CAMK1D: variants seen among roughly 807,000 people sequenced by gnomAD.
The protein encoded by CAMK1D is calcium/calmodulin dependent protein kinase ID.
A neutral mutation model predicts 47.7 loss-of-function variants in CAMK1D; 9 were observed. That is an observed-to-expected ratio of 0.19 (90% confidence interval 0.11 to 0.33). CAMK1D has a LOEUF of 0.33. Ranked by LOEUF, CAMK1D falls within the 10% of genes least tolerant of loss-of-function variation. CAMK1D has a pLI of 1.00. For missense variants in CAMK1D, 291 were observed against 488.7 expected (o/e 0.60, Z 3.81); for synonymous variants, 184 against 184.9 (o/e 0.99, Z 0.04).
At chr10:12,437,458 G>C (rs982479215) in intron 1 of CAMK1D, among the ~76,000 whole-genome samples, 1 of 152,184 alleles carries the variant, frequency 6.6e-6, no homozygotes, top group African/African-American at 2.4e-5. Flanking sequence ...ACCTCCCAAA[G>C]TGCTGGGATT....
intron 1 of CAMK1D, among the ~76,000 whole-genome samples, chr10:12,492,556 G>C (rs765616324): frequency 6.6e-6 from 1 of 152,160 alleles, no homozygotes; most frequent in Non-Finnish European, 1.5e-5. Flanking sequence ...CTACTTGGGA[G>C]GTGGAGGTGG....
At chr10:12,464,723 G>A (rs1435724801) in intron 1 of CAMK1D, among the ~76,000 whole-genome samples, 1 of 151,918 alleles carries the variant, frequency 6.6e-6, no homozygotes, top group Non-Finnish European at 1.5e-5. Flanking sequence ...GCTGAGGCAG[G>A]AGAATGGCAT....
chr10:12,727,689 G>A (rs533500994), intron 3 of CAMK1D, among the ~76,000 whole-genome samples: 14 of 151,692 alleles, frequency 9.2e-5, no homozygotes, highest in African/African-American at 2.7e-4. Flanking sequence ...AGAATCTGGC[G>A]TATCACAATA....
chr10:12,428,408 TTTC>T (rs1439905135), intron 1 of CAMK1D, among the ~76,000 whole-genome samples: 1 of 152,150 alleles, frequency 6.6e-6, no homozygotes, highest in Non-Finnish European at 1.5e-5. Flanking sequence ...CTCACCAAAA[TTTC>T]TTTTCTTTCT....
chr10:12,477,399 A>G (rs984425193), intron 1 of CAMK1D, among the ~76,000 whole-genome samples: 2 of 152,166 alleles, frequency 1.3e-5, no homozygotes, highest in African/African-American at 4.8e-5. Context: ...TGGGTGACAG[A>G]GCAAGACTCT....
chr10:12,577,597 CA>C (rs1323733034), intron 2 of CAMK1D, among the ~76,000 whole-genome samples: 2 of 151,288 alleles, frequency 1.3e-5, no homozygotes, highest in Non-Finnish European at 3.0e-5. Context: ...TTTTTGTTTT[CA>C]AAAAGTCTCT....
At chr10:12,731,446 G>A (rs1834876965) in intron 3 of CAMK1D, among the ~76,000 whole-genome samples, 1 of 152,250 alleles carries the variant, frequency 6.6e-6, no homozygotes, top group Non-Finnish European at 1.5e-5. Flanking sequence ...AGTCATGAAA[G>A]TGAGCGGACT....
chr10:12,741,991 A>C (rs1213176720), intron 3 of CAMK1D, among the ~76,000 whole-genome samples: 2 of 152,182 alleles, frequency 1.3e-5, no homozygotes, highest in African/African-American at 4.8e-5. Flanking sequence ...CAGTGCCAGC[A>C]TCTGGGGTGT....
intron 1 of CAMK1D, among the ~76,000 whole-genome samples, chr10:12,409,870 T>A (rs1839594451): frequency 6.6e-6 from 1 of 152,254 alleles, no homozygotes; most frequent in Non-Finnish European, 1.5e-5. Flanking sequence ...CAGTACCTCC[T>A]GTCTCACCAC....
chr10:12,523,134 C>T (rs1350899738), intron 1 of CAMK1D, among the ~76,000 whole-genome samples: 1 of 151,810 alleles, frequency 6.6e-6, no homozygotes, highest in African/African-American at 2.4e-5. Context: ...AGACGCTCCT[C>T]ACCTCCCAGA....
intron 3 of CAMK1D, among the ~76,000 whole-genome samples, chr10:12,732,198 G>A (rs899617869): frequency 6.6e-6 from 1 of 152,106 alleles, no homozygotes; most frequent in African/African-American, 2.4e-5. Flanking sequence ...CCCAGGTTGC[G>A]CCATTGCACT....
intron 2 of CAMK1D, among the ~76,000 whole-genome samples, chr10:12,617,560 G>A (rs867292598): frequency 5.9e-5 from 9 of 152,260 alleles, no homozygotes; most frequent in Middle Eastern, 3.4e-3. Flanking sequence ...TTCTGCTTTC[G>A]GGGGAGCCGT....
At chr10:12,616,232 GAAATA>G (rs1213917176) in intron 2 of CAMK1D, among the ~76,000 whole-genome samples, 5 of 152,114 alleles carry the variant, frequency 3.3e-5, no homozygotes, top group African/African-American at 4.8e-5. Context: ...GAAATAGGAA[GAAATA>G]AAATTAGTTT....
intron 1 of CAMK1D, among the ~76,000 whole-genome samples, chr10:12,363,955 G>A (rs1293127244): frequency 1.9e-4 from 29 of 152,230 alleles, no homozygotes; most frequent in Non-Finnish European, 1.6e-4. Flanking sequence ...CAGTTCTTTT[G>A]GGTGTATAGC....
At chr10:12,470,331 A>T (rs1833707782) in intron 1 of CAMK1D, among the ~76,000 whole-genome samples, 1 of 152,136 alleles carries the variant, frequency 6.6e-6, no homozygotes, top group African/African-American at 2.4e-5. Flanking sequence ...CTCAGAAATA[A>T]CCACTGTGAG....
At chr10:12,434,559 A>G (rs1036449074) in intron 1 of CAMK1D, among the ~76,000 whole-genome samples, 26 of 152,204 alleles carry the variant, frequency 1.7e-4, no homozygotes, top group Admixed American at 4.6e-4. Flanking sequence ...ACTGGCCTAG[A>G]ATTAGCTGGT....
At chr10:12,500,159 G>A (rs559383646) in intron 1 of CAMK1D, among the ~76,000 whole-genome samples, 1 of 152,268 alleles carries the variant, frequency 6.6e-6, no homozygotes, top group East Asian at 1.9e-4. Context: ...CCAGCTACTT[G>A]GGAGGCTGAG....
At chr10:12,691,377 AAATATATATATATATATATATATAT>A (rs1832890562) in intron 3 of CAMK1D, among the ~76,000 whole-genome samples, 1 of 7,026 alleles carries the variant, frequency 1.4e-4, no homozygotes, top group African/African-American at 4.6e-4. Context: ...ATATATATAT[AAATATATATATATATATATATATAT>A]AAATATATAT....
At chr10:12,478,979 A>C (rs1008308858) in intron 1 of CAMK1D, among the ~76,000 whole-genome samples, 1 of 152,162 alleles carries the variant, frequency 6.6e-6, no homozygotes, top group Non-Finnish European at 1.5e-5. Flanking sequence ...TAATTCTTAC[A>C]ATAGCCTTAT....
Sources: gnomAD v4.1 joint callset for allele counts (sites outside exome capture counted in the v4.1 genomes callset) on GRCh38, gnomAD v4.1.1 for gene constraint, MANE v1.5 for transcripts, NCBI Gene and HGNC (gene_info 2026-07-23, HGNC 2026-07-21) for gene names.